MYO19: variants seen among roughly 807,000 people sequenced by gnomAD.
MYO19 encodes unconventional myosin-XIX.
A neutral mutation model predicts 129.2 loss-of-function variants in MYO19; 132 were observed. The ratio of observed to expected loss-of-function variants is 1.02; its 90% CI spans 0.89 to 1.18. MYO19 has a LOEUF of 1.18. Ranked by LOEUF, MYO19 falls within the 50% of genes most tolerant of loss-of-function variation. The pLI is 0.00. For missense variants in MYO19, 1,210 were observed against 1,216.7 expected (o/e 0.99, Z 0.08); for synonymous variants, 531 against 477.2 (o/e 1.11, Z -1.47).
At chr17:36,532,374 A>G (rs1017707275) in intron 3 of MYO19, among the ~76,000 whole-genome samples, 153 bp downstream of exon 3, 3 of 152,204 alleles carry the variant, frequency 2.0e-5, no homozygotes, top group South Asian at 2.1e-4. Flanking sequence ...GGTATCAGGA[A>G]GAGTTTCTTG....
chr17:36,520,755 AC>A (rs2073083441), intron 6 of MYO19, among the ~76,000 whole-genome samples: 1 of 152,218 alleles, frequency 6.6e-6, no homozygotes, highest in South Asian at 2.1e-4. Context: ...TTGGAAGAAT[AC>A]AGTATATAAG....
chr17:36,510,793 G>A lies in MYO19; in HGVS notation c.1110C>T (p.Ala370=), dbSNP rs372329279. The A allele has an allele frequency of 3.7e-6, 6 of 1,605,002 alleles. No individual in the cohort carries two copies. Among genetic ancestry groups the A allele is most frequent in the Middle Eastern group, 1.7e-4 (1 of 6,052 alleles). The change falls in exon 13 of 26, where the codon GCC becomes GCT. Residue 370 remains alanine (A), a synonymous_variant. Transcript: ENST00000614623. The part of the protein sequence containing the change: ...QQVFRKPCAR[A]ECDTRRDCLA... ...GGCAGTCTCTACGGGTGTCACACTC[G>A]GCTCGGGCGCAGGGCTTCCGGAACA...
At chr17:36,500,621 T>C in intron 23 of MYO19, 1 of 640,702 alleles carries the variant, frequency 1.6e-6, no homozygotes, top group Non-Finnish European at 2.6e-6. Context: ...ACAGAGCACC[T>C]TTGTTTGTGG....
At chr17:36,538,020 A>G (rs773988121), upstream of MYO19, 5 of 1,614,088 alleles carry the variant, frequency 3.1e-6, no homozygotes, top group Admixed American at 6.7e-5. Flanking sequence ...CGAAGGAATA[A>G]TCTCTACCCT....
At chr17:36,540,593 ACTC>A (rs2074192231) in intron 2 of MYO19, among the ~76,000 whole-genome samples, 1 of 151,724 alleles carries the variant, frequency 6.6e-6, no homozygotes, top group East Asian at 1.9e-4. Context: ...CCAGTCTCGA[ACTC>A]CTGTCCTCAA....
intron 2 of MYO19, among the ~76,000 whole-genome samples, chr17:36,541,754 G>A (rs532890723): frequency 7.2e-5 from 11 of 152,196 alleles, no homozygotes; most frequent in East Asian, 1.9e-4. Context: ...TATATATTTC[G>A]TCAATTAGAG....
intron 6 of MYO19, among the ~76,000 whole-genome samples, chr17:36,522,261 G>A (rs555167090): frequency 1.2e-4 from 19 of 152,198 alleles, no homozygotes; most frequent in African/African-American, 4.6e-4. Flanking sequence ...TGTAATCCCA[G>A]CACTTTGGGA....
At chr17:36,538,674 T>A, upstream of MYO19, 1 of 1,377,790 alleles carries the variant, frequency 7.3e-7, no homozygotes, top group Non-Finnish European at 9.9e-7. Flanking sequence ...ATATTAATTG[T>A]AAAGAAATTG....
chr17:36,499,203 C>A (rs766746203), intron 23 of MYO19, 43 bp from the exon 24 acceptor site: 3 of 1,476,344 alleles, frequency 2.0e-6, no homozygotes, highest in East Asian at 4.8e-5. Flanking sequence ...AATAAAGGGG[C>A]CATTAGAGCT....
At chr17:36,526,100 G>A (rs1007646984) in intron 5 of MYO19, among the ~76,000 whole-genome samples, 8 of 152,080 alleles carry the variant, frequency 5.3e-5, no homozygotes, top group African/African-American at 1.2e-4. Context: ...TCCATATGGC[G>A]TCAGAGCCAC....
At chr17:36,536,287 C>A (rs1237638772), upstream of MYO19, among the ~76,000 whole-genome samples, 2 of 152,138 alleles carry the variant, frequency 1.3e-5, no homozygotes, top group Admixed American at 6.5e-5. Flanking sequence ...ACGTTTTGTA[C>A]CAAGGCAGTA....
chr17:36,532,104 A>C (rs74819318), intron 3 of MYO19, among the ~76,000 whole-genome samples: 10,688 of 152,210 alleles, frequency 0.07, 632 homozygotes, highest in African/African-American at 0.16. Flanking sequence ...ACATTTCTGC[A>C]CAGGCTGACC....
chr17:36,537,312 A>G (rs587777733), upstream of MYO19: 7 of 1,612,654 alleles, frequency 4.3e-6, no homozygotes, highest in Non-Finnish European at 5.9e-6. Flanking sequence ...CATGGTAGCC[A>G]CTTTGACCAT....
chr17:36,538,347 T>G (rs2074171977), upstream of MYO19: 6 of 1,614,058 alleles, frequency 3.7e-6, no homozygotes, highest in Non-Finnish European at 5.1e-6. Flanking sequence ...ACTTATCCAG[T>G]CACCTGTTAC....
rs1181723400 is a variant in MYO19 at position 36,507,057 on chromosome 17, C to T, written c.1550G>A (p.Gly517Asp). 1 of 1,613,472 alleles carries T rather than the reference C, an allele frequency of 6.2e-7. No homozygotes were observed. Among genetic ancestry groups the T allele is most frequent in the African/African-American group, 1.3e-5 (1 of 74,914 alleles). ...ETALAGSPCL[G>D]HNKLSREPSF... is the part of the protein sequence containing the mutation. ...GGGCTCCCGGCTGAGCTTATTGTGG[C>T]CCAGGCAGGGGCTGCCTGCCAGGGC... Residue 517 changes from glycine to aspartate, a missense_variant, in exon 17 of 26, where the codon GGC (glycine) becomes GAC (aspartate). By Grantham distance (94) the Gly-to-Asp change is moderately conservative. Transcript: ENST00000614623.
rs2071804302 is a variant in MYO19, at chr17:36,505,286, G to A, written c.1905+11C>T. On this transcript the variant is annotated intron_variant, in intron 19 of 25. Transcript: ENST00000614623. ...TTTGGTGCGAAGCAGCTTTGGCCCGGTGTTAATTACCTCCTCTTGGAGAAA... is the reference window on the plus strand; with the variant it reads ...TTTGGTGCGAAGCAGCTTTGGCCCGATGTTAATTACCTCCTCTTGGAGAAA... 2 of 1,611,872 alleles carry A rather than the reference G, an allele frequency of 1.2e-6. No homozygotes were observed. The highest frequency in any genetic ancestry group is 1.3e-5 in the African/African-American group (1 of 74,904).
Position 36,499,729 on chromosome 17 carries a change from A to G in MYO19, c.2378-569T>C, listed in dbSNP as rs1305940340. ...CTTGCCCAGGCTGGAGTGCAGTGGC[A>G]CGAACAGCTTATTGTAGCCTCCGTA... On this transcript the variant is annotated intron_variant, in intron 23 of 25. Transcript: ENST00000614623. 7 of 122,500 alleles carry G rather than the reference A, an allele frequency of 5.7e-5. No homozygotes were observed. The Admixed American group carries it at 6.8e-4, about 12-fold the overall frequency. 7.6% of individuals were successfully genotyped at this position (122,500 alleles called of 1,614,324 possible).
intron 9 of MYO19, 87 bp from the exon 10 acceptor site, chr17:36,513,812 G>A (rs1275581752): frequency 3.3e-6 from 4 of 1,196,538 alleles, no homozygotes; most frequent in South Asian, 1.4e-5. Context: ...GGGATAAGAG[G>A]AGAGTTGGTA....
At chr17:36,544,774 G>T, upstream of MYO19, 1 of 154,606 alleles carries the variant, frequency 6.5e-6, no homozygotes, top group Non-Finnish European at 1.4e-5. Flanking sequence ...GGGACGGCCA[G>T]GGCGGCCCCG....
Sources: gnomAD v4.1 joint callset for allele counts (sites outside exome capture counted in the v4.1 genomes callset) on GRCh38, gnomAD v4.1.1 for gene constraint, MANE v1.5 for transcripts, NCBI Gene and HGNC (gene_info 2026-07-23, HGNC 2026-07-21) for gene names.